The following PLCB1 variants were observed in gnomAD, a reference collection of about 807,000 sequenced individuals.
The protein encoded by PLCB1 is phospholipase C beta 1, also known as 1-phosphatidylinositol 4,5-bisphosphate phosphodiesterase beta-1.
In PLCB1, 46 loss-of-function variants were observed where a neutral mutation model predicts 161.8. The observed-to-expected ratio is 0.28, with a 90% confidence interval of 0.22 to 0.36. PLCB1 has a LOEUF of 0.36. PLCB1 is among the 10% of genes least tolerant of loss of function. PLCB1 has a pLI of 1.00. For synonymous variants in PLCB1, 517 were observed against 503.7 expected (o/e 1.03, Z -0.35); for missense variants, 1,016 against 1,472.5 (o/e 0.69, Z 5.07).
At chr20:8,668,171 C>T (rs1343808049) in intron 9 of PLCB1, among the ~76,000 whole-genome samples, 1 of 151,768 alleles carries the variant, frequency 6.6e-6, no homozygotes, top group African/African-American at 2.4e-5. Context: ...ACAGGGAAAC[C>T]AGATTAAGTG....
chr20:8,462,957 C>T (rs1454467604), intron 3 of PLCB1, among the ~76,000 whole-genome samples: 3 of 151,998 alleles, frequency 2.0e-5, no homozygotes, highest in East Asian at 3.9e-4. Context: ...GAGCACCTTT[C>T]TATATTATTC....
intron 31 of PLCB1, among the ~76,000 whole-genome samples, chr20:8,820,498 A>C (rs997895807): frequency 6.6e-6 from 1 of 152,198 alleles, no homozygotes; most frequent in African/African-American, 2.4e-5. Flanking sequence ...TTGCAAGGAT[A>C]TGGTGCATCT....
chr20:8,651,832 C>G (rs766927197), intron 7 of PLCB1: 9 of 254,654 alleles, frequency 3.5e-5, no homozygotes, highest in Non-Finnish European at 5.9e-5. Context: ...ATCCCTGAGG[C>G]TGGAAATAAT....
intron 3 of PLCB1, among the ~76,000 whole-genome samples, chr20:8,433,616 C>T (rs1047200321): frequency 2.7e-5 from 4 of 146,862 alleles, no homozygotes; most frequent in African/African-American, 1.0e-4. Flanking sequence ...AGGTTTGTTG[C>T]AAGTATTAAA....
chr20:8,445,581 A>G (rs533764865), intron 3 of PLCB1, among the ~76,000 whole-genome samples: 229 of 152,244 alleles, frequency 1.5e-3, no homozygotes, highest in African/African-American at 5.3e-3. Context: ...CAATTCTGTG[A>G]AGAAAGTCAT....
intron 2 of PLCB1, among the ~76,000 whole-genome samples, chr20:8,278,571 T>C (rs1188093145): frequency 6.6e-6 from 1 of 151,684 alleles, no homozygotes; most frequent in Non-Finnish European, 1.5e-5. Context: ...AAAGAGGATA[T>C]CAAACAGCCA....
At chr20:8,143,015 G>T (rs1209313310) in intron 1 of PLCB1, among the ~76,000 whole-genome samples, 1 of 152,092 alleles carries the variant, frequency 6.6e-6, no homozygotes, top group Non-Finnish European at 1.5e-5. Context: ...ATTATTATCT[G>T]ACACCACTCC....
chr20:8,539,644 CTTT>C (rs1985209980), intron 3 of PLCB1, among the ~76,000 whole-genome samples: 4 of 96,236 alleles, frequency 4.2e-5, no homozygotes, highest in African/African-American at 1.3e-4. Context: ...TTCTTTCTTT[CTTT>C]CTTTCTTTCT....
At chr20:8,333,607 C>T (rs1335662030) in intron 2 of PLCB1, among the ~76,000 whole-genome samples, 4 of 152,142 alleles carry the variant, frequency 2.6e-5, no homozygotes, top group Non-Finnish European at 4.4e-5. Context: ...GCCAGGGATA[C>T]TACTCAGCTT....
intron 3 of PLCB1, among the ~76,000 whole-genome samples, chr20:8,434,168 A>G (rs552288788): frequency 1.3e-5 from 2 of 152,320 alleles, no homozygotes; most frequent in East Asian, 1.9e-4. Context: ...TGGTTAATTC[A>G]TGTATTCATT....
At chr20:8,227,903 A>T (rs1979782673) in intron 2 of PLCB1, among the ~76,000 whole-genome samples, 1 of 152,212 alleles carries the variant, frequency 6.6e-6, no homozygotes, top group South Asian at 2.1e-4. Flanking sequence ...TTTTATCCAA[A>T]AATATATCTA....
chr20:8,138,801 T>C (rs2051373553), intron 1 of PLCB1, among the ~76,000 whole-genome samples: 1 of 152,222 alleles, frequency 6.6e-6, no homozygotes. Context: ...TCTCTGGTTT[T>C]CCTCTGATCT....
At chr20:8,462,316 C>T (rs1399853486) in intron 3 of PLCB1, among the ~76,000 whole-genome samples, 2 of 152,054 alleles carry the variant, frequency 1.3e-5, no homozygotes, top group African/African-American at 4.8e-5. Context: ...TATTGATAGT[C>T]CTCTTATCAC....
intron 1 of PLCB1, among the ~76,000 whole-genome samples, chr20:8,140,876 G>A (rs181299954): frequency 2.0e-4 from 31 of 151,666 alleles, no homozygotes; most frequent in African/African-American, 5.8e-4. Flanking sequence ...TCGGCTCACC[G>A]CAACCTCTGC....
At chr20:8,589,656 AC>A (rs1987093074) in intron 3 of PLCB1, among the ~76,000 whole-genome samples, 1 of 122,088 alleles carries the variant, frequency 8.2e-6, no homozygotes, top group African/African-American at 3.2e-5. Context: ...TTGCTCTGTC[AC>A]CCAGACTGGA....
intron 31 of PLCB1, among the ~76,000 whole-genome samples, chr20:8,861,003 G>A (rs1987237328): frequency 6.6e-6 from 1 of 152,138 alleles, no homozygotes; most frequent in African/African-American, 2.4e-5. Flanking sequence ...CAAAGAAGTT[G>A]GTTACTGATT....
At chr20:8,411,011 T>C (rs1979020589) in intron 3 of PLCB1, among the ~76,000 whole-genome samples, 1 of 152,222 alleles carries the variant, frequency 6.6e-6, no homozygotes, top group African/African-American at 2.4e-5. Context: ...TTGTGGACTT[T>C]TGATCTCCAA....
At chr20:8,802,671 AATT>A (rs1292661450) in intron 31 of PLCB1, among the ~76,000 whole-genome samples, 5 of 152,096 alleles carry the variant, frequency 3.3e-5, no homozygotes, top group African/African-American at 1.2e-4. Flanking sequence ...AGTCCAGCAA[AATT>A]TACTTTATTC....
chr20:8,506,196 C>T (rs554278278), intron 3 of PLCB1, among the ~76,000 whole-genome samples: 1 of 152,274 alleles, frequency 6.6e-6, no homozygotes, highest in South Asian at 2.1e-4. Context: ...GTATTATTTG[C>T]GTTTAAAACA....
Sources: gnomAD v4.1 joint callset for allele counts (sites outside exome capture counted in the v4.1 genomes callset) on GRCh38, gnomAD v4.1.1 for gene constraint, MANE v1.5 for transcripts, NCBI Gene and HGNC (gene_info 2026-07-23, HGNC 2026-07-21) for gene names.